Variants in DST observed in about 807,000 individuals in gnomAD.
DST encodes dystonin.
Under a neutral mutation model 875.2 loss-of-function variants are expected in DST, and 253 were observed. The ratio of observed to expected loss-of-function variants is 0.29; its 90% confidence interval spans 0.26 to 0.32. The LOEUF (loss-of-function observed/expected upper bound fraction) is 0.32. Ranked by LOEUF, DST falls within the 10% of genes least tolerant of loss-of-function variation. The pLI is 1.00. For missense variants in DST, 8,287 were observed against 9,111.6 expected, an observed-to-expected ratio of 0.91 and a Z score of 3.68; for synonymous variants, 3,124 against 3,197.1, an observed-to-expected ratio of 0.98 and a Z score of 0.77.
intron 4 of DST, among the ~76,000 whole-genome samples, chr6:56,762,844 CT>C (rs869153143): frequency 0.028 from 3,140 of 111,932 alleles, 22 homozygotes; most frequent in African/African-American, 0.04. Flanking sequence ...AGAACACCAC[CT>C]TTTTTTTTTT....
chr6:56,575,333 C>G (rs1390657116), intron 50 of DST, among the ~76,000 whole-genome samples: 3 of 152,082 alleles, frequency 2.0e-5, no homozygotes, highest in African/African-American at 7.2e-5. Flanking sequence ...TCTAACAAAC[C>G]TGCATATGTA....
intron 2 of DST, among the ~76,000 whole-genome samples, chr6:56,907,765 AC>A (rs1338857338): frequency 1.3e-5 from 2 of 152,220 alleles, no homozygotes; most frequent in Admixed American, 1.3e-4. Flanking sequence ...AAAAAAAATA[AC>A]ATTTTTAGGT....
chr6:56,463,441 T>TTTCC (rs2094435875), intron 101 of DST, 124 bp downstream of exon 101: 2 of 960,444 alleles, frequency 2.1e-6, no homozygotes, highest in Non-Finnish European at 3.0e-6. Context: ...TCCCACAGTA[T>TTTCC]GAGAAGGTGC....
intron 15 of DST, chr6:56,642,786 CA>C: frequency 6.2e-7 from 1 of 1,613,886 alleles, no homozygotes; most frequent in Non-Finnish European, 8.5e-7. Flanking sequence ...TACTACTGTG[CA>C]TTTTTATTCC....
At chr6:56,632,463 T>A (rs577862493) in intron 28 of DST, among the ~76,000 whole-genome samples, 2 of 152,200 alleles carry the variant, frequency 1.3e-5, no homozygotes, top group Non-Finnish European at 2.9e-5. Flanking sequence ...ATTTTTAAAG[T>A]TCAGAATAAA....
At position 56,601,484 on chromosome 6, in the gene DST, C is replaced by T. The variant is rs1479295594; in HGVS notation, c.11500G>A (p.Glu3834Lys). The T allele has an allele frequency of 2.5e-6, 4 of 1,604,702 alleles. No individual in the cohort carries two copies. Among genetic ancestry groups the T allele is most frequent in the Admixed American group, 3.4e-5 (2 of 59,102 alleles). The change falls in exon 44 of 104, where the codon GAG (glutamate) becomes AAG (lysine). Residue 3834 changes from glutamate to lysine, a missense_variant. Around this residue, in one of 10 missense-constraint regions of DST, gnomAD observed 3,138 missense variants for 3,116.6 expected, o/e 1.01. Transcript: ENST00000680361. The stretch of plus-strand genomic sequence containing the variant: ...TCTTGTTCTAGATGTAACTGAGTCT[C>T]TAAACGTTCCACCTGGGTAGTTACT... ...ESVTTQVERL[E>K]TQLHLEQDLD...
intron 2 of DST, among the ~76,000 whole-genome samples, chr6:56,909,675 G>A (rs994851828): frequency 6.6e-6 from 1 of 152,188 alleles, no homozygotes; most frequent in African/African-American, 2.4e-5. Context: ...AGACTTCTGG[G>A]CCACACCCTC....
intron 36 of DST, chr6:56,619,419 C>T: frequency 6.2e-7 from 1 of 1,613,102 alleles, no homozygotes; most frequent in Non-Finnish European, 8.5e-7. Flanking sequence ...AGCAACTGCT[C>T]ATGGCTTTTC....
chr6:56,767,944 G>A (rs2099638334), intron 4 of DST, among the ~76,000 whole-genome samples: 1 of 152,082 alleles, frequency 6.6e-6, no homozygotes. Context: ...CAAGAGCAAG[G>A]AGGCCATTAG....
intron 10 of DST, among the ~76,000 whole-genome samples, chr6:56,658,796 C>T (rs1051961645): frequency 6.6e-6 from 1 of 152,198 alleles, no homozygotes; most frequent in Non-Finnish European, 1.5e-5. Flanking sequence ...GAGCTCAGAG[C>T]TCCAAAGGGA....
intron 50 of DST, among the ~76,000 whole-genome samples, chr6:56,577,269 T>TTC (rs2097884754): frequency 1.3e-5 from 2 of 152,178 alleles, no homozygotes; most frequent in African/African-American, 2.4e-5. Flanking sequence ...TCGAGTAACA[T>TTC]AAATACAAAT....
At chr6:56,578,110 CT>C (rs2097902641) in intron 50 of DST, among the ~76,000 whole-genome samples, 1 of 152,088 alleles carries the variant, frequency 6.6e-6, no homozygotes, top group Admixed American at 6.6e-5. Context: ...TTGATTACAG[CT>C]GTAGTGCTAC....
chr6:56,940,569 CTTTTT>C (rs58560493), intron 2 of DST, among the ~76,000 whole-genome samples: 1 of 148,536 alleles, frequency 6.7e-6, no homozygotes, highest in South Asian at 2.2e-4. Context: ...TTCTCTTATC[CTTTTT>C]TTTTTCTTTT....
chr6:56,738,165 T>C (rs1193481960), intron 4 of DST, among the ~76,000 whole-genome samples: 1 of 152,198 alleles, frequency 6.6e-6, no homozygotes, highest in African/African-American at 2.4e-5. Context: ...AAAAGGTACT[T>C]ATATACAGCC....
At chr6:56,626,380 A>G (rs1340723609) in intron 34 of DST, among the ~76,000 whole-genome samples, 1 of 152,128 alleles carries the variant, frequency 6.6e-6, no homozygotes, top group Non-Finnish European at 1.5e-5. Context: ...TATTTTTATT[A>G]TACCTTTAAT....
intron 53 of DST, 125 bp from the exon 54 acceptor site, chr6:56,570,137 A>G: frequency 1.5e-6 from 1 of 673,400 alleles, no homozygotes; most frequent in Non-Finnish European, 2.3e-6. Context: ...TACAGGAGGA[A>G]AGGTTTCATA....
chr6:56,600,604 T>C (rs1027039180), intron 44 of DST, among the ~76,000 whole-genome samples: 13 of 152,066 alleles, frequency 8.5e-5, no homozygotes, highest in African/African-American at 3.1e-4. Context: ...TTAACATATT[T>C]GATATGTGTA....
At chr6:56,689,194 A>G (rs1048524604) in intron 9 of DST, among the ~76,000 whole-genome samples, 2 of 152,096 alleles carry the variant, frequency 1.3e-5, no homozygotes, top group Admixed American at 6.6e-5. Context: ...ATATAGCAGG[A>G]CTCAACAAAT....
intron 85 of DST, among the ~76,000 whole-genome samples, chr6:56,489,890 A>C (rs1335467672): frequency 6.6e-6 from 1 of 152,188 alleles, no homozygotes; most frequent in East Asian, 1.9e-4. Flanking sequence ...AGCTACAGAA[A>C]GAACTTCTTC....
Sources: gnomAD v4.1 joint callset for allele counts (sites outside exome capture counted in the v4.1 genomes callset) on GRCh38, gnomAD v4.1.1 for gene constraint, gnomAD v4.1.1 regional missense constraint, MANE v1.5 for transcripts, NCBI Gene and HGNC (gene_info 2026-07-23, HGNC 2026-07-21) for gene names.